The following SAMD5 variants were observed in gnomAD, a reference collection of about 807,000 sequenced individuals.
SAMD5 encodes the protein sterile alpha motif domain-containing protein 5.
Under a neutral mutation model 11.3 loss-of-function variants are expected in SAMD5, and 13 were observed. The observed-to-expected ratio is 1.15, with a 90% CI of 0.75 to 1.83. SAMD5 has a LOEUF of 1.83. Ranked by LOEUF, SAMD5 falls within the 40% of genes most tolerant of loss-of-function variation. The pLI is 0.00. For synonymous variants in SAMD5, 129 were observed against 111.3 expected, an observed-to-expected ratio of 1.16 and a Z score of -1.00; for missense variants, 255 against 239.1, an observed-to-expected ratio of 1.07 and a Z score of -0.44.
chr6:147,863,274 G>C, the SAMD5 span, among the ~76,000 whole-genome samples: 1 of 152,074 alleles, frequency 6.6e-6, no homozygotes, highest in Non-Finnish European at 1.5e-5. Context: ...GTTTACACAG[G>C]CCCTCAGGAA....
intron 1 of SAMD5, among the ~76,000 whole-genome samples, chr6:147,704,016 C>G (rs1791292333): frequency 6.6e-6 from 1 of 152,148 alleles, no homozygotes; most frequent in Non-Finnish European, 1.5e-5. Flanking sequence ...CTGCCTCAGC[C>G]TCCTGAGTAG....
At chr6:147,835,471 A>G in the SAMD5 span, among the ~76,000 whole-genome samples, 2 of 152,202 alleles carry the variant, frequency 1.3e-5, no homozygotes, top group Middle Eastern at 3.4e-3. Flanking sequence ...CCATGAATGC[A>G]GCCTCCAGTC....
intron 1 of SAMD5, among the ~76,000 whole-genome samples, chr6:147,633,309 GC>G (rs1790178823): frequency 6.6e-6 from 1 of 152,114 alleles, no homozygotes; most frequent in Non-Finnish European, 1.5e-5. Context: ...AAAAATTCCA[GC>G]GGGCACCGCC....
At chr6:147,908,690 C>CAG in the SAMD5 span, among the ~76,000 whole-genome samples, 1 of 152,066 alleles carries the variant, frequency 6.6e-6, no homozygotes, top group African/African-American at 2.4e-5. Context: ...GAGAAACCAA[C>CAG]AGAGAGAGAC....
At chr6:147,674,373 G>A (rs2128455779) in intron 1 of SAMD5, among the ~76,000 whole-genome samples, 1 of 152,196 alleles carries the variant, frequency 6.6e-6, no homozygotes, top group African/African-American at 2.4e-5. Flanking sequence ...AATTTTCCTG[G>A]TTCCACCCTC....
At chr6:147,517,770 T>G (rs1562310779) in intron 1 of SAMD5, among the ~76,000 whole-genome samples, 1 of 151,990 alleles carries the variant, frequency 6.6e-6, no homozygotes. Flanking sequence ...TGGTTTGGGG[T>G]AAACACCTAA....
At chr6:147,923,052 A>G in the SAMD5 span, among the ~76,000 whole-genome samples, 14 of 152,258 alleles carry the variant, frequency 9.2e-5, no homozygotes, top group African/African-American at 3.1e-4. Context: ...TCACAGAGTA[A>G]CGATGATAAA....
chr6:147,640,685 A>G (rs931460709), intron 1 of SAMD5, among the ~76,000 whole-genome samples: 1 of 152,066 alleles, frequency 6.6e-6, no homozygotes, highest in East Asian at 1.9e-4. Context: ...CCCATTTAAA[A>G]CAGGTTCAAT....
At chr6:147,880,621 C>T in the SAMD5 span, among the ~76,000 whole-genome samples, 351 of 152,262 alleles carry the variant, frequency 2.3e-3, 2 homozygotes, top group African/African-American at 7.8e-3. Flanking sequence ...GACGTTTTCT[C>T]GGAACCCCTC....
chr6:147,729,884 A>G, intron 1 of SAMD5: 1 of 453,976 alleles, frequency 2.2e-6, no homozygotes, highest in Non-Finnish European at 4.4e-6. Context: ...CAGGAGTTCA[A>G]GACCCACCTG....
intron 1 of SAMD5, among the ~76,000 whole-genome samples, chr6:147,624,037 T>G (rs1328114781): frequency 6.6e-6 from 1 of 152,024 alleles, no homozygotes; most frequent in African/African-American, 2.4e-5. Context: ...GCCCAGCTAA[T>G]TTTTGTATTT....
At chr6:147,588,607 T>A (rs1268277075) in intron 1 of SAMD5, among the ~76,000 whole-genome samples, 1 of 151,964 alleles carries the variant, frequency 6.6e-6, no homozygotes, top group Non-Finnish European at 1.5e-5. Context: ...ATTACAGGCA[T>A]GAGCCACCGC....
intron 1 of SAMD5, among the ~76,000 whole-genome samples, chr6:147,583,332 T>C (rs1439826326): frequency 6.6e-6 from 1 of 152,198 alleles, no homozygotes; most frequent in Non-Finnish European, 1.5e-5. Context: ...ATGGAATTAA[T>C]GTGAGAATTT....
intron 1 of SAMD5, among the ~76,000 whole-genome samples, chr6:147,617,339 C>T (rs929625301): frequency 6.6e-6 from 1 of 152,204 alleles, no homozygotes; most frequent in Non-Finnish European, 1.5e-5. Flanking sequence ...GTGTTCAGCC[C>T]TGGCCTCCAT....
chr6:147,635,488 T>C (rs1293377080), intron 1 of SAMD5, among the ~76,000 whole-genome samples: 1 of 152,214 alleles, frequency 6.6e-6, no homozygotes, highest in Non-Finnish European at 1.5e-5. Context: ...TAGTTTTTAG[T>C]TGAAGCTCCC....
rs192671322 is a variant in SAMD5, at chr6:147,633,355, G to A, written c.163-103962G>A. 1.4e-3 allele frequency among the ~76,000 whole-genome samples: 216 copies of A among 152,226 alleles called. 2 individuals are homozygous for A. Among genetic ancestry groups the A allele is most frequent in the Non-Finnish European group, 4.4e-4 (30 of 68,028 alleles). ...TTCTGTTTGTGAAGTTTCCTGACCC[G>A]AGGGCTCTTTTGGGCTGCGGTTTCT... is the stretch of plus-strand genomic sequence containing the variant. On this transcript the variant is annotated intron_variant, in intron 1 of 1. Coordinates refer to the SAMD5 transcript ENST00000566741.
the SAMD5 span, among the ~76,000 whole-genome samples, chr6:147,828,701 G>T: frequency 6.6e-6 from 1 of 152,174 alleles, no homozygotes; most frequent in Non-Finnish European, 1.5e-5. Flanking sequence ...TTGTGATGGT[G>T]TGAGTTAATA....
intron 1 of SAMD5, among the ~76,000 whole-genome samples, chr6:147,643,048 T>C (rs1394477187): frequency 6.6e-6 from 1 of 152,226 alleles, no homozygotes; most frequent in Non-Finnish European, 1.5e-5. Context: ...ATTTTATTCA[T>C]TATTAATCCT....
chr6:147,703,762 T>C (rs1212060796), intron 1 of SAMD5, among the ~76,000 whole-genome samples: 1 of 152,156 alleles, frequency 6.6e-6, no homozygotes, highest in African/African-American at 2.4e-5. Context: ...CCTGTCTTTA[T>C]CATGATGAGG....
Sources: allele counts gnomAD v4.1 joint callset (sites outside exome capture counted in the v4.1 genomes callset), GRCh38; gene constraint gnomAD v4.1.1; transcripts MANE v1.5; gene names NCBI Gene and HGNC (gene_info 2026-07-23, HGNC 2026-07-21).